Variants in AP4E1 observed in about 807,000 individuals in gnomAD.
AP4E1 encodes adaptor related protein complex 4 subunit epsilon 1, also known as AP-4 complex subunit epsilon-1.
AP4E1 carries 56 observed loss-of-function variants against 128.2 expected under a neutral mutation model. That is an observed-to-expected ratio of 0.44 (90% CI 0.35 to 0.55). The LOEUF is 0.55. Ranked by LOEUF, AP4E1 falls within the 20% of genes least tolerant of loss-of-function variation. AP4E1 has a pLI of 0.00. For synonymous variants in AP4E1, 484 were observed against 473.1 expected (o/e 1.02, Z -0.30); for missense variants, 1,324 against 1,307.7 (o/e 1.01, Z -0.19).
chr15:50,907,847 G>C (rs1471489473), upstream of AP4E1, among the ~76,000 whole-genome samples: 2 of 152,208 alleles, frequency 1.3e-5, no homozygotes, highest in Admixed American at 6.5e-5. Context: ...CATTGTACCA[G>C]ACTCTGTTCT....
chr15:50,921,644 T>C (rs1447398413), intron 3 of AP4E1, among the ~76,000 whole-genome samples: 1 of 152,178 alleles, frequency 6.6e-6, no homozygotes, highest in African/African-American at 2.4e-5. Context: ...ATTTTAAAGA[T>C]GAGAAGACTG....
At chr15:50,920,715 T>C (rs1433941245) in intron 3 of AP4E1, among the ~76,000 whole-genome samples, 1 of 152,116 alleles carries the variant, frequency 6.6e-6, no homozygotes, top group Non-Finnish European at 1.5e-5. Flanking sequence ...GCCTTCTACA[T>C]GTCTTCACTC....
At chr15:50,965,087 G>A (rs2064371761) in intron 14 of AP4E1, among the ~76,000 whole-genome samples, 1 of 152,030 alleles carries the variant, frequency 6.6e-6, no homozygotes, top group Non-Finnish European at 1.5e-5. Context: ...CCTTACAAGA[G>A]CTGAACAGAT....
At chr15:50,955,841 G>A (rs1482826561) in intron 13 of AP4E1, among the ~76,000 whole-genome samples, 2 of 152,186 alleles carry the variant, frequency 1.3e-5, no homozygotes, top group African/African-American at 4.8e-5. Flanking sequence ...GGTACCTCTT[G>A]CAGCCTGGTG....
chr15:50,964,955 C>CCCCCCACACACACACACACA (rs1555459128), intron 14 of AP4E1, among the ~76,000 whole-genome samples: 1 of 131,370 alleles, frequency 7.6e-6, no homozygotes, highest in African/African-American at 3.0e-5. Context: ...CCTCCCCCTA[C>CCCCCCACACACACACACACA]CACACACACA....
At chr15:50,925,671 C>T (rs1221291796) in intron 5 of AP4E1, among the ~76,000 whole-genome samples, 1 of 147,346 alleles carries the variant, frequency 6.8e-6, no homozygotes, top group Non-Finnish European at 1.5e-5. Context: ...ACTCCGTTGT[C>T]CAGGCTGGAG....
rs530660796 is a variant in AP4E1, at chr15:50,991,168, T to A, written c.2091-2202T>A. Among the ~76,000 whole-genome samples, 13 of 152,292 alleles carry A rather than the reference T, an allele frequency of 8.5e-5. No individual in the cohort carries two copies. In the East Asian group the frequency reaches 2.5e-3, roughly 29 times the overall value. On this transcript the variant is annotated intron_variant, in intron 16 of 20. Coordinates refer to ENST00000261842, the MANE Select transcript of AP4E1 (RefSeq NM_007347.5). ...AAGTAGCCCTCTGCAGCTCAGGCAA[T>A]CCCTGAAGGGGCTGAGAGATGACAG...
intron 13 of AP4E1, among the ~76,000 whole-genome samples, chr15:50,950,734 T>G (rs901997232): frequency 6.6e-6 from 1 of 152,174 alleles, no homozygotes; most frequent in Non-Finnish European, 1.5e-5. Flanking sequence ...GTATTAAGAC[T>G]AGTACACAAT....
chr15:50,936,236 T>C (rs2063906534), intron 8 of AP4E1, among the ~76,000 whole-genome samples: 1 of 152,190 alleles, frequency 6.6e-6, no homozygotes, highest in South Asian at 2.1e-4. Flanking sequence ...TCTAGAAAAG[T>C]GTCAGAATTT....
chr15:50,992,686 A>G (rs1168951751), intron 16 of AP4E1, among the ~76,000 whole-genome samples: 2 of 152,186 alleles, frequency 1.3e-5, no homozygotes, highest in Non-Finnish European at 2.9e-5. Context: ...TGTCAGCCTC[A>G]GGCTTTTTCC....
intron 13 of AP4E1, among the ~76,000 whole-genome samples, chr15:50,957,302 C>T (rs966806823): frequency 6.6e-6 from 1 of 152,102 alleles, no homozygotes; most frequent in Non-Finnish European, 1.5e-5. Context: ...GAAGTCCAGC[C>T]GTCTCTGGCT....
At chr15:50,931,008 A>G in intron 7 of AP4E1, 37 bp downstream of exon 7, 2 of 1,609,634 alleles carry the variant, frequency 1.2e-6, no homozygotes, top group Non-Finnish European at 1.7e-6. Context: ...AATGACCCCC[A>G]TACCAGATGA....
In AP4E1 at chr15:50,974,638, A is replaced by G. The variant is rs542878605; in HGVS notation, c.1966+6261A>G. Among the ~76,000 whole-genome samples the G allele has an allele frequency of 2.0e-5, 3 of 152,278 alleles. No individual in the cohort carries two copies. In the East Asian group the frequency reaches 5.8e-4, roughly 29 times the overall value. On this transcript the variant is annotated intron_variant, in intron 15 of 20. Transcript: ENST00000261842. ...GTTGCACCATTTTGCATTCCCATCA[A>G]CAATGGGTAAGGGTTCTGACTTCTT... is the stretch of plus-strand genomic sequence containing the variant.
chr15:51,001,787 G>C (rs758140583), intron 20 of AP4E1, among the ~76,000 whole-genome samples: 15 of 152,186 alleles, frequency 9.9e-5, no homozygotes, highest in Non-Finnish European at 2.2e-4. Context: ...CTATGAACAA[G>C]GTTATACAAA....
intron 16 of AP4E1, among the ~76,000 whole-genome samples, chr15:50,990,233 T>C (rs1258394440): frequency 6.6e-6 from 1 of 151,928 alleles, no homozygotes; most frequent in Non-Finnish European, 1.5e-5. Flanking sequence ...TGACTCATGT[T>C]TAAAAATATT....
At position 50,982,086 on chromosome 15, in the gene AP4E1, C is replaced by CAAAA. The variant is rs55717107; in HGVS notation, c.1967-1916_1967-1913dup. ...GGCAATAAGAGCAAAACTCCCATCT[C>CAAAA]AAAAAAAAAAAAAAAAAAAAAAAGC... On this transcript the variant is annotated intron_variant, in intron 15 of 20. Coordinates refer to ENST00000261842, the MANE Select transcript of AP4E1 (RefSeq NM_007347.5). Among the ~76,000 whole-genome samples, 184 of 49,046 alleles carry CAAAA rather than the reference C, an allele frequency of 3.8e-3. 5 individuals carry two copies. The highest frequency in any genetic ancestry group is 4.6e-3 in the East Asian group (6 of 1,296). The allele number at this position is 49,046 out of a possible 152,430, so 32.2% of individuals were successfully genotyped here. A position where few individuals can be genotyped will look rare whatever the true frequency, so the allele number is the denominator to read the frequency against.
rs1337183376 is a variant in AP4E1, at chr15:50,997,685, A to G, written c.2706A>G (p.Leu902=). 1 of 1,613,908 alleles carries G rather than the reference A, an allele frequency of 6.2e-7. No individual in the cohort carries two copies. Among genetic ancestry groups the G allele is most frequent in the African/African-American group, 1.3e-5 (1 of 74,930 alleles). ...CCTCAGTTGCCAAGGAAAGCTCTTTAGCTTCATCTTTTTTGGAAGAAACTA... is the reference window on the plus strand; with the variant it reads ...CCTCAGTTGCCAAGGAAAGCTCTTTGGCTTCATCTTTTTTGGAAGAAACTA... The part of the protein sequence containing the change: ...TAASVAKESS[L]ASSFLEETTE... Residue 902 remains leucine, a synonymous_variant, in exon 18 of 21, where the codon TTA becomes TTG. Coordinates refer to ENST00000261842, the MANE Select transcript of AP4E1 (RefSeq NM_007347.5).
rs1379667975 is a variant in AP4E1 at position 51,004,372 on chromosome 15, G to C, written c.*1710G>C. 6.6e-6 allele frequency: 1 copy of C among 152,242 alleles called. No homozygotes were observed. The highest frequency in any genetic ancestry group is 1.5e-5 in the Non-Finnish European group (1 of 68,052). 9.4% of individuals were successfully genotyped at this position (152,242 alleles called of 1,614,324 possible). ...GAATGCAGCATGTCACAAAGGAGGT[G>C]CTCCAATTTTTTGTGTCCTTACTTC... On this transcript the variant is annotated 3_prime_UTR_variant, in exon 21 of 21. Transcript: ENST00000261842.
chr15:50,980,275 C>A (rs1307059071), intron 15 of AP4E1, among the ~76,000 whole-genome samples: 1 of 152,092 alleles, frequency 6.6e-6, no homozygotes, highest in African/African-American at 2.4e-5. Flanking sequence ...TGGCAAAAAT[C>A]TTGGATGATT....
Sources: allele counts gnomAD v4.1 joint callset (sites outside exome capture counted in the v4.1 genomes callset), GRCh38; gene constraint gnomAD v4.1.1; transcripts MANE v1.5; gene names NCBI Gene and HGNC (gene_info 2026-07-23, HGNC 2026-07-21).